The following FBN2 variants were observed in gnomAD, a reference collection of about 807,000 sequenced individuals.
The protein encoded by FBN2 is fibrillin-2.
Under a neutral mutation model 355.6 loss-of-function variants are expected in FBN2, and 105 were observed. The ratio of observed to expected loss-of-function variants is 0.30; its 90% confidence interval spans 0.25 to 0.35. The LOEUF is 0.35. Ranked by LOEUF, FBN2 falls within the 10% of genes least tolerant of loss-of-function variation. The probability of loss-of-function intolerance (pLI) is 1.00; values close to 1 mark genes in which losing one functional copy is unlikely to be tolerated. For synonymous variants in FBN2, 1,350 were observed against 1,301.2 expected (o/e 1.04, Z -0.81); for missense variants, 3,280 against 3,758.7 (o/e 0.87, Z 3.33).
intron 5 of FBN2, among the ~76,000 whole-genome samples, chr5:128,488,183 C>T (rs917920863): frequency 2.8e-5 from 4 of 145,240 alleles, no homozygotes; most frequent in African/African-American, 8.4e-5. Flanking sequence ...CTTCAATGAA[C>T]CCAGACTCAA....
chr5:128,306,000 A>G (rs1336359433), intron 42 of FBN2, 52 bp from the exon 43 acceptor site: 4 of 1,546,640 alleles, frequency 2.6e-6, no homozygotes, highest in Non-Finnish European at 8.9e-7. Flanking sequence ...TAATATACTT[A>G]CCATATAACT....
At chr5:128,527,241 A>C (rs1430682507) in intron 4 of FBN2, among the ~76,000 whole-genome samples, 1 of 152,162 alleles carries the variant, frequency 6.6e-6, no homozygotes, top group Non-Finnish European at 1.5e-5. Flanking sequence ...CACAATCCAG[A>C]AACTACAATC....
chr5:128,338,118 A>G lies in FBN2; in HGVS notation c.3477T>C (p.Ile1159=). Residue 1159 remains isoleucine, a synonymous_variant, in exon 27 of 65, where the codon ATT becomes ATC. Transcript: ENST00000262464. ...GGAGAGGGTTACGTTCACATTCGTCAATGTCTGAAAGGTAAAAACGTGAGA... is the reference window on the plus strand; with the variant it reads ...GGAGAGGGTTACGTTCACATTCGTCGATGTCTGAAAGGTAAAAACGTGAGA... ...GFMMMKNCMD[I]DECERNPLLC... The G allele has an allele frequency of 6.2e-7, 1 of 1,614,044 alleles. No homozygotes were observed. Among genetic ancestry groups the G allele is most frequent in the Non-Finnish European group, 8.5e-7 (1 of 1,179,912 alleles).
chr5:128,390,373 CT>C lies in FBN2; in HGVS notation c.1603+1644del, dbSNP rs545612145. On this transcript the variant is annotated intron_variant, in intron 11 of 64. Coordinates refer to ENST00000262464, the MANE Select transcript of FBN2 (RefSeq NM_001999.4). ...CACAATCATATTAAGATGCTATTTA[CT>C]TTTTTTTTTTAATCATGTTAACATT... Among the ~76,000 whole-genome samples the C allele has an allele frequency of 3.5e-3, 507 of 146,178 alleles. 4 individuals carry two copies. Among genetic ancestry groups the C allele is most frequent in the Middle Eastern group, 3.6e-3 (1 of 280 alleles).
chr5:128,537,783 C>A lies in FBN2; in HGVS notation c.-180G>T, dbSNP rs1341610373. 2 of 650,452 alleles carry A rather than the reference C, an allele frequency of 3.1e-6. No individual in the cohort carries two copies. Among genetic ancestry groups the A allele is most frequent in the Non-Finnish European group, 5.3e-6 (2 of 380,702 alleles). 40.3% of individuals were successfully genotyped at this position (650,452 alleles called of 1,614,324 possible). ...CGACAGAGCGCCGGCCCCCTGACTG[C>A]CCGCGAAGCGAGACGCGGGGCGCCG... On this transcript the variant is annotated 5_prime_UTR_variant, in exon 1 of 65. Transcript: ENST00000262464.
chr5:128,319,506 T>TTTAGTTAATTAAATAAATTTAG (rs1750309920), intron 34 of FBN2, among the ~76,000 whole-genome samples: 2 of 151,738 alleles, frequency 1.3e-5, no homozygotes, highest in African/African-American at 4.8e-5. Flanking sequence ...ATTTAGTTAA[T>TTTAGTTAATTAAATAAATTTAG]TTAGTTAATT....
intron 7 of FBN2, chr5:128,442,108 A>G: frequency 6.1e-6 from 2 of 327,008 alleles, no homozygotes; most frequent in South Asian, 5.0e-5. Context: ...AGCCTAAATA[A>G]ATATATTTGT....
intron 34 of FBN2, 117 bp downstream of exon 34, chr5:128,328,579 T>C: frequency 2.9e-6 from 3 of 1,044,626 alleles, no homozygotes; most frequent in Non-Finnish European, 2.9e-6. Context: ...ATGACTTTTA[T>C]AGTGCAGCAT....
chr5:128,493,145 T>A (rs949796033), intron 5 of FBN2, among the ~76,000 whole-genome samples: 13 of 152,078 alleles, frequency 8.5e-5, no homozygotes, highest in Non-Finnish European at 1.8e-4. Flanking sequence ...ACAGAAATAC[T>A]GAATGCTAGA....
intron 63 of FBN2, among the ~76,000 whole-genome samples, chr5:128,262,401 A>G (rs867282815): frequency 6.6e-6 from 1 of 152,176 alleles, no homozygotes; most frequent in Admixed American, 6.5e-5. Context: ...TTATTTTGAA[A>G]CAGCAAAATT....
intron 36 of FBN2, among the ~76,000 whole-genome samples, chr5:128,313,897 T>C (rs1427243927): frequency 6.7e-6 from 1 of 149,840 alleles, no homozygotes; most frequent in Non-Finnish European, 1.5e-5. Context: ...ATCTGTCTAC[T>C]TACCACTGCC....
chr5:128,266,616 C>T (rs1160283982), intron 62 of FBN2, among the ~76,000 whole-genome samples: 1 of 152,148 alleles, frequency 6.6e-6, no homozygotes, highest in Non-Finnish European at 1.5e-5. Context: ...GAAACAAAAA[C>T]TTCAGGAAAC....
At chr5:128,445,929 G>C (rs560262124) in intron 7 of FBN2, 7 of 152,636 alleles carry the variant, frequency 4.6e-5, no homozygotes, top group African/African-American at 1.7e-4. Flanking sequence ...AAAAGTATTA[G>C]GTTTTTTGAT....
chr5:128,463,605 G>A (rs1230224815), intron 6 of FBN2, among the ~76,000 whole-genome samples: 1 of 152,160 alleles, frequency 6.6e-6, no homozygotes, highest in African/African-American at 2.4e-5. Context: ...GCTGCTGTCA[G>A]GGACACATTT....
At chr5:128,321,163 T>C (rs1281367784) in intron 34 of FBN2, among the ~76,000 whole-genome samples, 1 of 152,216 alleles carries the variant, frequency 6.6e-6, no homozygotes, top group Non-Finnish European at 1.5e-5. Context: ...ACCTGACTTA[T>C]TTCATGTGTA....
chr5:128,444,218 G>A (rs1457045914), intron 7 of FBN2, among the ~76,000 whole-genome samples: 7 of 151,522 alleles, frequency 4.6e-5, no homozygotes, highest in South Asian at 2.1e-4. Flanking sequence ...GACTACAGGC[G>A]CCCGCCACCG....
At chr5:128,472,410 G>A (rs528058732) in intron 5 of FBN2, among the ~76,000 whole-genome samples, 33 of 152,206 alleles carry the variant, frequency 2.2e-4, no homozygotes, top group Middle Eastern at 6.8e-3. Flanking sequence ...GGAGATTTCT[G>A]TTTTACAAGA....
chr5:128,283,377 C>T (rs955368825), intron 55 of FBN2, among the ~76,000 whole-genome samples: 4 of 152,160 alleles, frequency 2.6e-5, no homozygotes, highest in Non-Finnish European at 4.4e-5. Flanking sequence ...GTGTGTGCTC[C>T]ACTGAAACCT....
chr5:128,460,173 C>T (rs1754520534), intron 6 of FBN2, among the ~76,000 whole-genome samples: 1 of 149,604 alleles, frequency 6.7e-6, no homozygotes, highest in African/African-American at 2.6e-5. Flanking sequence ...CAATAATAGA[C>T]AAACAGAGAG....
Sources: gnomAD v4.1 joint callset for allele counts (sites outside exome capture counted in the v4.1 genomes callset) on GRCh38, gnomAD v4.1.1 for gene constraint, MANE v1.5 for transcripts, NCBI Gene and HGNC (gene_info 2026-07-23, HGNC 2026-07-21) for gene names.